The following NKAIN2 variants were observed in gnomAD, a reference collection of about 807,000 sequenced individuals.
The protein encoded by NKAIN2 is sodium/potassium-transporting ATPase subunit beta-1-interacting protein 2.
A neutral mutation model predicts 32.6 loss-of-function variants in NKAIN2; 14 were observed. That is an observed-to-expected ratio of 0.43 (90% CI 0.28 to 0.67). The LOEUF (loss-of-function observed/expected upper bound fraction) is 0.67, where lower values mean the gene tolerates loss of function less well. Ranked by LOEUF, NKAIN2 falls within the 30% of genes least tolerant of loss-of-function variation. The pLI is 0.17. For synonymous variants in NKAIN2, 80 were observed against 87.2 expected, an observed-to-expected ratio of 0.92 and a Z score of 0.46; for missense variants, 198 against 258.3, an observed-to-expected ratio of 0.77 and a Z score of 1.60.
intron 5 of NKAIN2, among the ~76,000 whole-genome samples, chr6:124,794,425 A>G (rs1010438789): frequency 5.3e-5 from 8 of 152,166 alleles, no homozygotes; most frequent in Non-Finnish European, 1.0e-4. Flanking sequence ...AGATCAAGTT[A>G]TCTCTCAATC....
At chr6:124,330,306 A>T (rs1415896060) in intron 2 of NKAIN2, among the ~76,000 whole-genome samples, 1 of 152,196 alleles carries the variant, frequency 6.6e-6, no homozygotes, top group Non-Finnish European at 1.5e-5. Context: ...ATAGACTCTG[A>T]GATGGAGATT....
intron 1 of NKAIN2, among the ~76,000 whole-genome samples, chr6:124,137,810 A>T (rs1177052394): frequency 6.6e-6 from 1 of 152,180 alleles, no homozygotes; most frequent in African/African-American, 2.4e-5. Context: ...CTGGCAAGCC[A>T]TATGTAGAAG....
intron 1 of NKAIN2, among the ~76,000 whole-genome samples, chr6:124,269,585 A>G (rs1310572745): frequency 6.6e-6 from 1 of 151,240 alleles, no homozygotes; most frequent in Non-Finnish European, 1.5e-5. Flanking sequence ...CTCCTGCCTC[A>G]GCCTCCTGAG....
At chr6:124,437,376 A>G (rs1369376964) in intron 3 of NKAIN2, among the ~76,000 whole-genome samples, 2 of 152,230 alleles carry the variant, frequency 1.3e-5, no homozygotes, top group African/African-American at 4.8e-5. Flanking sequence ...CAGTTTGACC[A>G]AGTAAATAAT....
At chr6:124,479,991 C>T (rs986241455) in intron 3 of NKAIN2, among the ~76,000 whole-genome samples, 4 of 152,104 alleles carry the variant, frequency 2.6e-5, no homozygotes, top group Non-Finnish European at 4.4e-5. Context: ...CACAGCTGTC[C>T]AATGCCAAGA....
chr6:124,606,852 G>A (rs141315187), intron 3 of NKAIN2, among the ~76,000 whole-genome samples: 1 of 152,098 alleles, frequency 6.6e-6, no homozygotes, highest in Non-Finnish European at 1.5e-5. Flanking sequence ...GAAGGGGTTA[G>A]AATCCATGTT....
intron 4 of NKAIN2, among the ~76,000 whole-genome samples, chr6:124,698,229 A>C (rs886851859): frequency 6.6e-6 from 1 of 152,174 alleles, no homozygotes; most frequent in African/African-American, 2.4e-5. Context: ...GGGTTGTGCT[A>C]TGAAAAAGCA....
intron 3 of NKAIN2, among the ~76,000 whole-genome samples, chr6:124,596,254 C>G (rs1214760558): frequency 1.3e-5 from 2 of 152,110 alleles, no homozygotes; most frequent in Admixed American, 6.5e-5. Flanking sequence ...CTGGGGCTCC[C>G]AGTGCTGGAG....
At chr6:124,240,537 C>G (rs1404576219) in intron 1 of NKAIN2, among the ~76,000 whole-genome samples, 1 of 152,094 alleles carries the variant, frequency 6.6e-6, no homozygotes, top group African/African-American at 2.4e-5. Flanking sequence ...CATCAAAAAG[C>G]TTACCCACCA....
intron 1 of NKAIN2, among the ~76,000 whole-genome samples, chr6:124,240,250 T>C (rs1793010728): frequency 6.6e-6 from 1 of 152,104 alleles, no homozygotes; most frequent in Non-Finnish European, 1.5e-5. Flanking sequence ...GAGGCAGTAA[T>C]TAATAGCCTA....
At chr6:124,427,252 A>G (rs967976866) in intron 3 of NKAIN2, among the ~76,000 whole-genome samples, 11 of 152,210 alleles carry the variant, frequency 7.2e-5, no homozygotes, top group African/African-American at 2.4e-4. Flanking sequence ...AATATGAAAA[A>G]TGACCAAATG....
intron 3 of NKAIN2, among the ~76,000 whole-genome samples, chr6:124,600,320 G>A (rs1427431250): frequency 6.6e-6 from 1 of 152,086 alleles, no homozygotes; most frequent in African/African-American, 2.4e-5. Context: ...ATAAAAACAT[G>A]TGAAACCAAC....
intron 1 of NKAIN2, among the ~76,000 whole-genome samples, chr6:124,009,199 GTC>G (rs1207038523): frequency 2.0e-5 from 3 of 151,962 alleles, no homozygotes; most frequent in Admixed American, 2.0e-4. Context: ...TAGGAGGGCT[GTC>G]TCTCTCTCTG....
chr6:124,319,030 G>A (rs1004856851), intron 2 of NKAIN2, among the ~76,000 whole-genome samples: 1 of 151,988 alleles, frequency 6.6e-6, no homozygotes, highest in African/African-American at 2.4e-5. Flanking sequence ...GGATTATCCA[G>A]GTGGTTTCTG....
Position 124,476,763 on chromosome 6 carries a change from A to G in NKAIN2, c.273+121416A>G, listed in dbSNP as rs1352329723. On this transcript the variant is annotated intron_variant, in intron 3 of 6. Coordinates refer to ENST00000368417, the MANE Select transcript of NKAIN2 (RefSeq NM_001040214.3). ...AAACGTGCACCCAATCTTGATAACA[A>G]TGATGTGAGATAGGAACTGTTACTG... 2.0e-5 allele frequency among the ~76,000 whole-genome samples: 3 copies of G among 152,094 alleles called. No homozygotes were observed. The East Asian group carries it at 5.8e-4, about 29-fold the overall frequency.
At chr6:124,790,793 G>A (rs1779714405) in intron 4 of NKAIN2, among the ~76,000 whole-genome samples, 1 of 152,038 alleles carries the variant, frequency 6.6e-6, no homozygotes, top group African/African-American at 2.4e-5. Flanking sequence ...CTACTTATAG[G>A]TGTCCATCTC....
chr6:123,866,066 A>T (rs1775968829), intron 1 of NKAIN2, among the ~76,000 whole-genome samples: 1 of 152,122 alleles, frequency 6.6e-6, no homozygotes, highest in Admixed American at 6.5e-5. Context: ...CCTAGTATAA[A>T]CCATAATGTG....
intron 3 of NKAIN2, among the ~76,000 whole-genome samples, chr6:124,575,695 G>A (rs1427213436): frequency 6.6e-6 from 1 of 152,124 alleles, no homozygotes; most frequent in Non-Finnish European, 1.5e-5. Context: ...TCTAAGGAAG[G>A]TTTTTTCCTT....
intron 1 of NKAIN2, among the ~76,000 whole-genome samples, chr6:124,058,569 T>C (rs1276153890): frequency 2.6e-5 from 4 of 152,122 alleles, no homozygotes; most frequent in Admixed American, 6.6e-5. Context: ...TCTGGGCACA[T>C]TGCTTGCCCT....
Sources: gnomAD v4.1 joint callset for allele counts (sites outside exome capture counted in the v4.1 genomes callset) on GRCh38, gnomAD v4.1.1 for gene constraint, MANE v1.5 for transcripts, NCBI Gene and HGNC (gene_info 2026-07-23, HGNC 2026-07-21) for gene names.